The following HES7 variants were observed in gnomAD, a reference collection of about 807,000 sequenced individuals.
The protein encoded by HES7 is hes family bHLH transcription factor 7.
HES7 carries 8 observed loss-of-function variants against 18.0 expected under a neutral mutation model. The observed-to-expected ratio is 0.45, with a 90% CI of 0.26 to 0.80. The LOEUF is 0.80. Ranked by LOEUF, HES7 falls within the 30% of genes least tolerant of loss-of-function variation. The pLI is 0.18. For missense variants in HES7, 356 were observed against 340.9 expected (o/e 1.04, Z -0.35); for synonymous variants, 170 against 158.6 (o/e 1.07, Z -0.54).
In HES7 at chr17:8,122,879, T is replaced by TG; in HGVS notation, c.138+151dup. 1.4e-6 allele frequency: 1 copy of TG among 701,134 alleles called. No homozygotes were observed. Among genetic ancestry groups the TG allele is most frequent in the East Asian group, 2.7e-5 (1 of 36,656 alleles). 43.4% of individuals were successfully genotyped at this position (701,134 alleles called of 1,614,324 possible). A position where few individuals can be genotyped will look rare whatever the true frequency, so the allele number is the denominator to read the frequency against. On this transcript the variant is annotated intron_variant, in intron 2 of 3. Coordinates refer to ENST00000541682, the MANE Select transcript of HES7 (RefSeq NM_001165967.2). The surrounding 1 kb of genome is among the most constrained non-coding windows in gnomAD (Gnocchi z 6.9). ...AAGAAGATCGCGTTCTGAGAGCGAG[T>TG]GGGGGTCTGGGATGGAATTCCAAAG...
At position 8,121,625 on chromosome 17, in the gene HES7, C is replaced by T. The variant is rs985652294; in HGVS notation, c.639G>A (p.Gly213=). The change falls in exon 4 of 4, where the codon GGG becomes GGA. Residue 213 remains glycine (G), a synonymous_variant. Transcript: ENST00000541682. ...GCGGGGGCAGCGGGGCCTTGGGCGC[C>T]CCGTCTTGTCTGTGAGGCGGCGGTG... ...PPPPPPHRQD[G]APKAPLPPPP... 405 of 1,313,938 alleles carry T rather than the reference C, an allele frequency of 3.1e-4. No homozygotes were observed. Among genetic ancestry groups the T allele is most frequent in the Middle Eastern group, 5.7e-4 (2 of 3,520 alleles). 81.4% of individuals were successfully genotyped at this position (1,313,938 alleles called of 1,614,324 possible).
upstream of HES7, among the ~76,000 whole-genome samples, chr17:8,125,607 G>A (rs1981564315): frequency 6.6e-6 from 1 of 152,180 alleles, no homozygotes; most frequent in Admixed American, 6.5e-5. Flanking sequence ...GGCCGGATCC[G>A]GACGAGAGGA....
Position 8,122,336 on chromosome 17 carries a change from G to T in HES7, c.226+7C>A, listed in dbSNP as rs958500760. 1.3e-6 allele frequency: 2 copies of T among 1,520,628 alleles called. No homozygotes were observed. The highest frequency in any genetic ancestry group is 1.8e-6 in the Non-Finnish European group (2 of 1,113,294). The allele number at this position is 1,520,628 out of a possible 1,614,324, so 94.2% of individuals were successfully genotyped here. ...CCTCCCTCCGCTGCCCCACCCCCGCGCTGTACCCGGGGGCTCCACCCGGCT... is the reference window on the plus strand; with the variant it reads ...CCTCCCTCCGCTGCCCCACCCCCGCTCTGTACCCGGGGGCTCCACCCGGCT... On this transcript the variant is annotated splice_region_variant and intron_variant, in intron 3 of 3. Coordinates refer to ENST00000541682, the MANE Select transcript of HES7 (RefSeq NM_001165967.2). This position sits in a 1 kb window ranked among gnomAD's most constrained non-coding sequence, Gnocchi z 6.9.
upstream of HES7, among the ~76,000 whole-genome samples, chr17:8,125,417 C>T (rs1598234760): frequency 6.6e-6 from 1 of 152,218 alleles, no homozygotes; most frequent in East Asian, 1.9e-4. Flanking sequence ...CCCACCTCTC[C>T]GTCCTTCAGC....
In HES7 at chr17:8,123,185, C is replaced by A. The variant is rs919614925; in HGVS notation, c.43-59G>T. 5.0e-6 allele frequency: 7 copies of A among 1,387,962 alleles called. No individual in the cohort carries two copies. In the Admixed American group the frequency reaches 7.8e-5, roughly 16 times the overall value. The allele number at this position is 1,387,962 out of a possible 1,614,324, so 86.0% of individuals were successfully genotyped here. On this transcript the variant is annotated intron_variant, in intron 1 of 3. Transcript: ENST00000541682. The surrounding 1 kb of genome is among the most constrained non-coding windows in gnomAD (Gnocchi z 5.9). ...CAGACCGAGACTCAGTGCGGCCGCCCCGGCGTCGGATCCCGCCGCTGGGAG... is the reference window on the plus strand; with the variant it reads ...CAGACCGAGACTCAGTGCGGCCGCCACGGCGTCGGATCCCGCCGCTGGGAG...
rs559461603 is a variant in HES7 at position 8,121,455 on chromosome 17, G to A, written c.*116C>T. 8.6e-6 allele frequency: 7 copies of A among 815,762 alleles called. No individual in the cohort carries two copies. The highest frequency in any genetic ancestry group is 1.8e-5 in the African/African-American group (1 of 55,954). 50.5% of individuals were successfully genotyped at this position (815,762 alleles called of 1,614,324 possible). ...CACATCTCACCCGCGCGCTGAGCCC[G>A]CGCGCCCCACTGCCCTCCCCAACAC... On this transcript the variant is annotated 3_prime_UTR_variant, in exon 4 of 4. Coordinates refer to ENST00000541682, the MANE Select transcript of HES7 (RefSeq NM_001165967.2).
At chr17:8,126,480 C>G (rs75842283), upstream of HES7, among the ~76,000 whole-genome samples, 1 of 152,214 alleles carries the variant, frequency 6.6e-6, no homozygotes, top group Admixed American at 6.5e-5. Context: ...TGCGCTCCCA[C>G]GCTCCTGCCA....
chr17:8,123,115 C>G lies in HES7; in HGVS notation c.54G>C (p.Pro18=). ...ENRDGPKMLK[P]LVEKRRRDRI... is the part of the protein sequence containing the mutation. The stretch of plus-strand genomic sequence containing the variant: ...GGTCCCGGCGCCGCTTCTCCACAAG[C>G]GGCTTGAGCATCTGCGACCAGCGAG... Residue 18 remains proline, a synonymous_variant, in exon 2 of 4, where the codon CCG becomes CCC. Transcript: ENST00000541682. The surrounding 1 kb of genome is among the most constrained non-coding windows in gnomAD (Gnocchi z 5.9). 2 of 1,606,496 alleles carry G rather than the reference C, an allele frequency of 1.2e-6. No individual in the cohort carries two copies. The highest frequency in any genetic ancestry group is 1.7e-6 in the Non-Finnish European group (2 of 1,176,910).
upstream of HES7, among the ~76,000 whole-genome samples, chr17:8,125,246 G>T (rs912645221): frequency 6.6e-6 from 1 of 152,178 alleles, no homozygotes; most frequent in Non-Finnish European, 1.5e-5. Flanking sequence ...ACGGAAGACA[G>T]CTGTGAAATC....
In HES7 at chr17:8,121,772, G is replaced by A. The variant is rs756796852; in HGVS notation, c.492C>T (p.His164=). ...GGCCCTGGTGCACTGGGGGGCGCTG[G>A]TGCAGCGCAGGGCCAAGGGCCGGTG... ...PAAPALGPAL[H]QRPPVHQGHP... The change falls in exon 4 of 4, where the codon CAC becomes CAT. Residue 164 remains histidine (H), a synonymous_variant. Transcript: ENST00000541682. The A allele has an allele frequency of 6.5e-7, 1 of 1,527,062 alleles. No individual in the cohort carries two copies. The highest frequency in any genetic ancestry group is 1.2e-5 in the South Asian group (1 of 82,436). The allele number at this position is 1,527,062 out of a possible 1,614,324, so 94.6% of individuals were successfully genotyped here. A position where few individuals can be genotyped will look rare whatever the true frequency, so the allele number is the denominator to read the frequency against.
chr17:8,121,381 G>A lies in HES7; in HGVS notation c.*190C>T. The A allele has an allele frequency of 4.8e-6, 2 of 416,850 alleles. No individual in the cohort carries two copies. The highest frequency in any genetic ancestry group is 8.2e-6 in the Non-Finnish European group (2 of 244,092). 25.8% of individuals were successfully genotyped at this position (416,850 alleles called of 1,614,324 possible). ...AGGGAGAAGTTGGGGCAGGGAAAAG[G>A]GACAGGAACCAGGGAAATATATATT... On this transcript the variant is annotated 3_prime_UTR_variant, in exon 4 of 4. Coordinates refer to ENST00000541682, the MANE Select transcript of HES7 (RefSeq NM_001165967.2).
rs1024760750 is a variant in HES7 at position 8,121,034 on chromosome 17, T to C, written c.*537A>G. On this transcript the variant is annotated 3_prime_UTR_variant, in exon 4 of 4. Coordinates refer to ENST00000541682, the MANE Select transcript of HES7 (RefSeq NM_001165967.2). Reference sequence around the variant, plus strand: ...GTCGATTTTATTTCAATTTTTCCTTTTTATCCGTTTTTTTCTTAAAGGCCC... The same window carrying C: ...GTCGATTTTATTTCAATTTTTCCTTCTTATCCGTTTTTTTCTTAAAGGCCC... 3 of 152,700 alleles carry C rather than the reference T, an allele frequency of 2.0e-5. No homozygotes were observed. Among genetic ancestry groups the C allele is most frequent in the Admixed American group, 6.5e-5 (1 of 15,286 alleles). The allele number at this position is 152,700 out of a possible 1,614,324, so 9.5% of individuals were successfully genotyped here.
chr17:8,121,742 AGGGTGGCCCTGGTGCACT>A lies in HES7; in HGVS notation c.504_521del (p.Val169_Pro174del). ...ATGGGGACCATGCGCAGCGCGGGCT[AGGGTGGCCCTGGTGCACT>A]GGGGGGCGCTGGTGCAGCGCAGGGC... On this transcript the variant is annotated inframe_deletion, in exon 4 of 4. Transcript: ENST00000541682. The A allele has an allele frequency of 6.9e-7, 1 of 1,455,472 alleles. No individual in the cohort carries two copies. The highest frequency in any genetic ancestry group is 9.0e-7 in the Non-Finnish European group (1 of 1,116,300). 90.2% of individuals were successfully genotyped at this position (1,455,472 alleles called of 1,614,324 possible).
chr17:8,121,638 T>G lies in HES7; in HGVS notation c.626A>C (p.His209Pro). ...TGLLPPPPPP[H>P]RQDGAPKAPL... is the part of the protein sequence containing the mutation. ...GGCCTTGGGCGCCCCGTCTTGTCTG[T>G]GAGGCGGCGGTGGCGGCGGCAGCAG... The change falls in exon 4 of 4, where the codon CAC becomes CCC. Residue 209 changes from histidine (H) to proline (P), a missense_variant. His to Pro is a moderately conservative substitution (Grantham distance 77, BLOSUM62 -2). Transcript: ENST00000541682. 2.3e-6 allele frequency: 3 copies of G among 1,317,120 alleles called. No homozygotes were observed. The highest frequency in any genetic ancestry group is 4.5e-5 in the South Asian group (2 of 44,350). The allele number at this position is 1,317,120 out of a possible 1,614,324, so 81.6% of individuals were successfully genotyped here. A position where few individuals can be genotyped will look rare whatever the true frequency, so the allele number is the denominator to read the frequency against.
Position 8,123,346 on chromosome 17 carries a change from C to T in HES7, c.43-220G>A. ...TCCCCGGATCTTCGCATTCTCCTCT[C>T]TCAGTCTCGTCCTCCCTCCTCCCCT... is the stretch of plus-strand genomic sequence containing the variant. On this transcript the variant is annotated intron_variant, in intron 1 of 3. Coordinates refer to ENST00000541682, the MANE Select transcript of HES7 (RefSeq NM_001165967.2). This position sits in a 1 kb window ranked among gnomAD's most constrained non-coding sequence, Gnocchi z 5.9. 1.7e-6 allele frequency: 1 copy of T among 599,140 alleles called. No homozygotes were observed. The highest frequency in any genetic ancestry group is 3.0e-6 in the Non-Finnish European group (1 of 334,408). 37.1% of individuals were successfully genotyped at this position (599,140 alleles called of 1,614,324 possible).
rs1981313492 is a variant in HES7 at position 8,121,463 on chromosome 17, C to G, written c.*108G>C. 3 of 972,800 alleles carry G rather than the reference C, an allele frequency of 3.1e-6. No homozygotes were observed. In the South Asian group the frequency reaches 1.3e-4, roughly 41 times the overall value. The allele number at this position is 972,800 out of a possible 1,614,324, so 60.3% of individuals were successfully genotyped here. A position where few individuals can be genotyped will look rare whatever the true frequency, so the allele number is the denominator to read the frequency against. On this transcript the variant is annotated 3_prime_UTR_variant, in exon 4 of 4. Transcript: ENST00000541682. ...ACCCGCGCGCTGAGCCCGCGCGCCCCACTGCCCTCCCCAACACCTGCTCGC... is the reference window on the plus strand; with the variant it reads ...ACCCGCGCGCTGAGCCCGCGCGCCCGACTGCCCTCCCCAACACCTGCTCGC...
upstream of HES7, among the ~76,000 whole-genome samples, chr17:8,125,303 C>A (rs1272700974): frequency 1.3e-5 from 2 of 152,184 alleles, no homozygotes; most frequent in Non-Finnish European, 2.9e-5. Flanking sequence ...GCCCTCCGCA[C>A]CTTGGTTTTG....
At chr17:8,124,172 C>T, upstream of HES7, 2 of 1,523,086 alleles carry the variant, frequency 1.3e-6, no homozygotes, top group Non-Finnish European at 1.8e-6. Context: ...TAGGACCCGA[C>T]CCCGCCCCCT....
chr17:8,124,151 G>T (rs374740468), upstream of HES7: 45 of 1,602,876 alleles, frequency 2.8e-5, no homozygotes, highest in East Asian at 1.1e-4. Flanking sequence ...GCGGCCCAAG[G>T]GTAGGAGGGA....
Sources: gnomAD v4.1 joint callset for allele counts (sites outside exome capture counted in the v4.1 genomes callset) on GRCh38, gnomAD v4.1.1 for gene constraint, Gnocchi (gnomAD v3.1) non-coding constraint, MANE v1.5 for transcripts, NCBI Gene and HGNC (gene_info 2026-07-23, HGNC 2026-07-21) for gene names.